SYMPK: variants seen among roughly 807,000 people sequenced by gnomAD.
The protein encoded by SYMPK is symplekin scaffold protein.
In SYMPK, 49 loss-of-function variants were observed where a neutral mutation model predicts 136.4. The ratio of observed to expected loss-of-function variants is 0.36; its 90% CI spans 0.29 to 0.46. The LOEUF (loss-of-function observed/expected upper bound fraction) is 0.46, where lower values mean the gene tolerates loss of function less well. SYMPK is among the 20% of genes least tolerant of loss of function. SYMPK has a pLI of 1.00. For synonymous variants in SYMPK, 766 were observed against 713.0 expected, an observed-to-expected ratio of 1.07 and a Z score of -1.19; for missense variants, 1,365 against 1,690.0, an observed-to-expected ratio of 0.81 and a Z score of 3.37.
intron 1 of SYMPK, among the ~76,000 whole-genome samples, chr19:45,860,247 G>A (rs1254448643): frequency 6.6e-6 from 1 of 151,904 alleles, no homozygotes; most frequent in Non-Finnish European, 1.5e-5. Context: ...CCCGAGGTTA[G>A]CAGTTTGAGA....
chr19:45,851,733 A>G (rs141014835), intron 5 of SYMPK, among the ~76,000 whole-genome samples: 21,716 of 151,976 alleles, frequency 0.14, 1,633 homozygotes, highest in South Asian at 0.18. Flanking sequence ...AATAAGCCGG[A>G]TGTGGTGGCG....
At chr19:45,836,219 T>C (rs1209210148) in intron 10 of SYMPK, among the ~76,000 whole-genome samples, 1 of 151,524 alleles carries the variant, frequency 6.6e-6, no homozygotes, top group Non-Finnish European at 1.5e-5. Flanking sequence ...GTAGCGGGGA[T>C]TACAGGTGCC....
At chr19:45,852,581 G>C in intron 3 of SYMPK, 46 bp from the exon 4 acceptor site, 1 of 1,609,376 alleles carries the variant, frequency 6.2e-7, no homozygotes, top group Non-Finnish European at 8.5e-7. Context: ...CATATAAAAC[G>C]AGGGGCCAAT....
intron 9 of SYMPK, among the ~76,000 whole-genome samples, chr19:45,839,097 C>T (rs887051578): frequency 9.2e-5 from 14 of 152,112 alleles, no homozygotes; most frequent in Admixed American, 8.5e-4. Flanking sequence ...CCATGTTGGC[C>T]AGGCTGGTCT....
chr19:45,816,605 G>A, intron 24 of SYMPK, 28 bp from the exon 25 acceptor site: 1 of 1,612,440 alleles, frequency 6.2e-7, no homozygotes, highest in Non-Finnish European at 8.5e-7. Flanking sequence ...AGGGGGCGCT[G>A]GGGGCAGCTC....
In SYMPK at chr19:45,827,849, G is replaced by A; in HGVS notation, c.2055C>T (p.Tyr685=). 1.2e-6 allele frequency: 2 copies of A among 1,614,018 alleles called. No individual in the cohort carries two copies. The highest frequency in any genetic ancestry group is 1.7e-6 in the Non-Finnish European group (2 of 1,180,018). ...GGCCTGTCCTCACCTCATCCTCGCAGTACTTGCGGACCACCTCCAGGGCAC... is the reference window on the plus strand; with the variant it reads ...GGCCTGTCCTCACCTCATCCTCGCAATACTTGCGGACCACCTCCAGGGCAC... ...TESALEVVRK[Y]CEDESRTYLG... is the part of the protein sequence containing the mutation. Residue 685 remains tyrosine, a synonymous_variant, in exon 15 of 27, where the codon TAC becomes TAT. Transcript: ENST00000245934.
chr19:45,822,768 C>A lies in SYMPK; in HGVS notation c.2779G>T (p.Gly927Cys). Residue 927 changes from glycine to cysteine, a missense_variant, in exon 21 of 27, where the codon GGC becomes TGC. Coordinates refer to ENST00000245934, the MANE Select transcript of SYMPK (RefSeq NM_004819.3). ...CTGCATCACCTACCATGCTGGGTGC[C>A]CAGCAGGCGGTTGAAGACTTCCTTC... ...VVKEVFNRLLGTQHGEGNSAL... is the reference protein window; with the variant it reads ...VVKEVFNRLLCTQHGEGNSAL... 1 of 1,613,992 alleles carries A rather than the reference C, an allele frequency of 6.2e-7. No homozygotes were observed. Among genetic ancestry groups the A allele is most frequent in the Non-Finnish European group, 8.5e-7 (1 of 1,179,952 alleles).
At chr19:45,859,296 T>TA (rs34863014) in intron 1 of SYMPK, among the ~76,000 whole-genome samples, 46,029 of 134,396 alleles carry the variant, frequency 0.34, 7,728 homozygotes, top group African/African-American at 0.37. Flanking sequence ...GACAAGTCTT[T>TA]AAAAAAAAAA....
At chr19:45,836,077 T>TTTTA (rs1052744103) in intron 10 of SYMPK, among the ~76,000 whole-genome samples, 10 of 151,784 alleles carry the variant, frequency 6.6e-5, no homozygotes, top group African/African-American at 1.9e-4. Flanking sequence ...ATAATTTCCT[T>TTTTA]TTTATTTATT....
Position 45,816,474 on chromosome 19 carries a change from G to T in SYMPK, c.3354+8C>A, listed in dbSNP as rs371046272. On this transcript the variant is annotated splice_region_variant and intron_variant, in intron 25 of 26. Transcript: ENST00000245934. ...GGGATCCAGATGGGTGGGCTGCAGG[G>T]CCCTCACCTCCTCCAAGGGCCCCGC... 22 of 1,609,328 alleles carry T rather than the reference G, an allele frequency of 1.4e-5. No individual in the cohort carries two copies. The East Asian group carries it at 1.6e-4, about 11-fold the overall frequency.
At chr19:45,822,162 A>T (rs1316263161) in intron 21 of SYMPK, among the ~76,000 whole-genome samples, 1 of 129,830 alleles carries the variant, frequency 7.7e-6, no homozygotes, top group African/African-American at 3.0e-5. Context: ...TCTGTCATCC[A>T]GGCTGGAGTG....
chr19:45,847,601 G>T, intron 7 of SYMPK, 151 bp downstream of exon 7: 1 of 900,478 alleles, frequency 1.1e-6, no homozygotes, highest in Non-Finnish European at 1.6e-6. Flanking sequence ...AGTGCAGCTG[G>T]GATCTGAACC....
Position 45,815,575 on chromosome 19 carries a change from G to A in SYMPK, c.3810C>T (p.Ala1270=). The change falls in exon 27 of 27, where the codon GCC becomes GCT. Residue 1270 remains alanine (A), a synonymous_variant. Coordinates refer to ENST00000245934, the MANE Select transcript of SYMPK (RefSeq NM_004819.3). ...PAAEDAREPE[A]KGNS ...TCGAGCCCCGTCAGCTGTTCCCCTTGGCCTCGGGTTCCCTGGCGTCCTCGG... is the reference window on the plus strand; with the variant it reads ...TCGAGCCCCGTCAGCTGTTCCCCTTAGCCTCGGGTTCCCTGGCGTCCTCGG... The A allele has an allele frequency of 7.0e-7, 1 of 1,438,674 alleles. No individual in the cohort carries two copies. The highest frequency in any genetic ancestry group is 9.2e-7 in the Non-Finnish European group (1 of 1,085,304). The allele number at this position is 1,438,674 out of a possible 1,614,324, so 89.1% of individuals were successfully genotyped here. A position where few individuals can be genotyped will look rare whatever the true frequency, so the allele number is the denominator to read the frequency against.
At chr19:45,838,802 G>A (rs945514391) in intron 9 of SYMPK, among the ~76,000 whole-genome samples, 187 bp from the exon 10 acceptor site, 1 of 152,192 alleles carries the variant, frequency 6.6e-6, no homozygotes, top group Non-Finnish European at 1.5e-5. Flanking sequence ...GCAACTACCT[G>A]ACTCGTTCTG....
rs753585616 is a variant in SYMPK, at chr19:45,827,502, G to A, written c.2181+8C>T. On this transcript the variant is annotated splice_region_variant and intron_variant, in intron 16 of 26. Coordinates refer to ENST00000245934, the MANE Select transcript of SYMPK (RefSeq NM_004819.3). ...TGAGGGCAGCCAGGAAGTGGAGGAG[G>A]GGATCACCTTGTCCTTCTCATGGGA... 2.5e-6 allele frequency: 4 copies of A among 1,609,038 alleles called. No homozygotes were observed. The East Asian group carries it at 8.9e-5, about 36-fold the overall frequency.
At position 45,815,549 on chromosome 19, in the gene SYMPK, C is replaced by T. The variant is rs1970704607; in HGVS notation, c.*11G>A. On this transcript the variant is annotated 3_prime_UTR_variant, in exon 27 of 27. Transcript: ENST00000245934. ...AGTCCCTGTCCCACCCCCTTTCCCC[C>T]TCGAGCCCCGTCAGCTGTTCCCCTT... 4 of 1,552,106 alleles carry T rather than the reference C, an allele frequency of 2.6e-6. No homozygotes were observed. The highest frequency in any genetic ancestry group is 3.5e-6 in the Non-Finnish European group (4 of 1,151,886).
At chr19:45,816,744 C>A (rs1751415541) in intron 24 of SYMPK, 54 bp downstream of exon 24, 2 of 1,481,178 alleles carry the variant, frequency 1.4e-6, no homozygotes, top group East Asian at 2.5e-5. Context: ...CAGGGGGCCG[C>A]CCACCGCACA....
chr19:45,818,694 A>G (rs1230438082), intron 22 of SYMPK, among the ~76,000 whole-genome samples: 3 of 152,142 alleles, frequency 2.0e-5, no homozygotes, highest in Non-Finnish European at 4.4e-5. Flanking sequence ...AGGGAGGGAC[A>G]AGAGAAGGCT....
At chr19:45,827,487 C>T (rs1202354616) in intron 16 of SYMPK, 23 bp downstream of exon 16, 1 of 1,589,820 alleles carries the variant, frequency 6.3e-7, no homozygotes, top group Admixed American at 1.7e-5. Context: ...TGAGGGCAGC[C>T]AGGAAGTGGA....
Sources: gnomAD v4.1 joint callset for allele counts (sites outside exome capture counted in the v4.1 genomes callset) on GRCh38, gnomAD v4.1.1 for gene constraint, MANE v1.5 for transcripts, NCBI Gene and HGNC (gene_info 2026-07-23, HGNC 2026-07-21) for gene names.